Variants in ATP7A observed in about 807,000 individuals in gnomAD.
ATP7A encodes ATPase copper transporting alpha.
Under a neutral mutation model 83.5 loss-of-function variants are expected in ATP7A, and 7 were observed. The observed-to-expected ratio is 0.08, with a 90% CI of 0.05 to 0.16. The LOEUF is 0.16. ATP7A is among the 10% of genes least tolerant of loss of function. The probability of loss-of-function intolerance (pLI) is 1.00; values close to 1 mark genes in which losing one functional copy is unlikely to be tolerated. For missense variants in ATP7A, 940 were observed against 1,120.8 expected, an observed-to-expected ratio of 0.84 and a Z score of 2.30; for synonymous variants, 354 against 395.2, an observed-to-expected ratio of 0.90 and a Z score of 1.24.
At chrX:77,997,994 C>A (rs528113921) in intron 4 of ATP7A, among the ~76,000 whole-genome samples, 4,296 of 108,841 alleles carry the variant, frequency 0.039, 93 homozygotes, top group Middle Eastern at 0.06. Context: ...GGTATGTAAC[C>A]CCCCCGCCCA....
intron 7 of ATP7A, among the ~76,000 whole-genome samples, chrX:78,010,273 A>G (rs1192813838): frequency 8.9e-6 from 1 of 112,140 alleles, no homozygotes; most frequent in Non-Finnish European, 1.9e-5. Flanking sequence ...CCAAAGTCAC[A>G]TAGCTAATAA....
At chrX:77,916,371 AG>A (rs199760262) in intron 1 of ATP7A, among the ~76,000 whole-genome samples, 1 of 108,332 alleles carries the variant, frequency 9.2e-6, no homozygotes, top group African/African-American at 3.3e-5. Context: ...AAAAAAAAAA[AG>A]AAAAAAAAAG....
At chrX:77,942,750 C>G (rs936595347) in intron 1 of ATP7A, among the ~76,000 whole-genome samples, 5 of 110,456 alleles carry the variant, frequency 4.5e-5, no homozygotes, top group African/African-American at 1.6e-4. Context: ...ATCCAGCCCT[C>G]TTTCTCTGAA....
intron 1 of ATP7A, among the ~76,000 whole-genome samples, chrX:77,927,699 A>G (rs181035189): frequency 7.6e-4 from 84 of 111,009 alleles, no homozygotes; most frequent in Non-Finnish European, 1.5e-3. Flanking sequence ...GGTTTGTTAC[A>G]TACGTATACA....
At chrX:77,987,671 A>T (rs1309757215) in intron 2 of ATP7A, among the ~76,000 whole-genome samples, 2 of 111,592 alleles carry the variant, frequency 1.8e-5, no homozygotes, top group Non-Finnish European at 3.8e-5. Flanking sequence ...AGGGGGATAT[A>T]GGAGTATATG....
intron 1 of ATP7A, among the ~76,000 whole-genome samples, chrX:77,919,435 G>A (rs2077200383): frequency 8.9e-6 from 1 of 111,801 alleles, no homozygotes; most frequent in Non-Finnish European, 1.9e-5. Context: ...CTTCCCTTTT[G>A]GGCAGCAGCC....
In ATP7A at chrX:78,011,503, G is replaced by A. The variant is rs2077825500; in HGVS notation, c.2001G>A (p.Leu667=). 8.3e-7 allele frequency: 1 copy of A among 1,208,653 alleles called. No individual in the cohort carries two copies. Among genetic ancestry groups the A allele is most frequent in the South Asian group, 1.8e-5 (1 of 56,734 alleles). Residue 667 remains leucine, a synonymous_variant, in exon 9 of 23, where the codon CTG becomes CTA. Coordinates refer to ENST00000341514, the MANE Select transcript of ATP7A (RefSeq NM_000052.7). The part of the protein sequence containing the change: ...SLFFCIPVMG[L]MIYMMVMDHH... ...TTTTCTGTATTCCTGTAATGGGGCT[G>A]ATGATATATATGATGGTTATGGACC...
intron 1 of ATP7A, among the ~76,000 whole-genome samples, chrX:77,915,783 C>T (rs933087658): frequency 8.9e-6 from 1 of 111,955 alleles, no homozygotes; most frequent in Non-Finnish European, 1.9e-5. Flanking sequence ...TGCAATGGCA[C>T]GATCTCGGCT....
intron 12 of ATP7A, among the ~76,000 whole-genome samples, chrX:78,017,351 G>C (rs1309964961): frequency 8.9e-6 from 1 of 112,254 alleles, no homozygotes; most frequent in African/African-American, 3.2e-5. Flanking sequence ...TTTTCTCCTA[G>C]GCCTCAGGGC....
At chrX:77,954,768 A>G (rs781895357) in intron 1 of ATP7A, among the ~76,000 whole-genome samples, 3 of 111,701 alleles carry the variant, frequency 2.7e-5, no homozygotes, top group Non-Finnish European at 3.8e-5. Flanking sequence ...TGTTATTTGC[A>G]TAGCTAGAAA....
At chrX:78,015,913 G>A in intron 12 of ATP7A, 32 bp downstream of exon 12, 1 of 1,205,986 alleles carries the variant, frequency 8.3e-7, no homozygotes, top group Non-Finnish European at 1.1e-6. Context: ...TGACCAAAAT[G>A]TTAAGAAAAA....
At chrX:78,044,832 A>G (rs782157071) in intron 21 of ATP7A, among the ~76,000 whole-genome samples, 3 of 112,128 alleles carry the variant, frequency 2.7e-5, no homozygotes, top group African/African-American at 9.7e-5. Context: ...TTGAGGGCCA[A>G]GGAAAGACAA....
chrX:78,005,951 C>T (rs1276224331), intron 6 of ATP7A, among the ~76,000 whole-genome samples: 1 of 110,998 alleles, frequency 9.0e-6, no homozygotes, highest in East Asian at 2.8e-4. Flanking sequence ...AGCGTCAGCA[C>T]CCCAAAATTT....
intron 2 of ATP7A, among the ~76,000 whole-genome samples, chrX:77,983,061 A>G (rs782255935): frequency 9.0e-6 from 1 of 111,465 alleles, no homozygotes; most frequent in South Asian, 3.8e-4. Context: ...CCTCTTTTAT[A>G]AGGGCACAAA....
chrX:77,936,489 T>C (rs377238486), intron 1 of ATP7A, among the ~76,000 whole-genome samples: 141 of 112,276 alleles, frequency 1.3e-3, no homozygotes, highest in African/African-American at 3.1e-3. Context: ...GCCATACTGT[T>C]GTGCAACCAT....
intron 1 of ATP7A, among the ~76,000 whole-genome samples, chrX:77,944,805 G>A (rs1207600767): frequency 9.3e-6 from 1 of 107,196 alleles, no homozygotes; most frequent in African/African-American, 3.4e-5. Context: ...TCCTCAGTAT[G>A]GTATGTATGT....
At chrX:78,028,852 CT>C (rs1252970008) in intron 14 of ATP7A, among the ~76,000 whole-genome samples, 1 of 112,347 alleles carries the variant, frequency 8.9e-6, no homozygotes, top group Non-Finnish European at 1.9e-5. Context: ...CCATGTGATT[CT>C]TTTTCATTGT....
chrX:77,941,392 T>G (rs1229761090), intron 1 of ATP7A, among the ~76,000 whole-genome samples: 4 of 111,483 alleles, frequency 3.6e-5, no homozygotes, highest in African/African-American at 1.3e-4. Flanking sequence ...GAGGTCTATA[T>G]GTCCTTAAAA....
chrX:78,007,832 T>C (rs1033786625), intron 6 of ATP7A, among the ~76,000 whole-genome samples: 49 of 112,111 alleles, frequency 4.4e-4, no homozygotes, highest in African/African-American at 1.6e-3. Context: ...ATTTATGAGG[T>C]ATATGAGACG....
Sources: gnomAD v4.1 joint callset for allele counts (sites outside exome capture counted in the v4.1 genomes callset) on GRCh38, gnomAD v4.1.1 for gene constraint, MANE v1.5 for transcripts, NCBI Gene and HGNC (gene_info 2026-07-23, HGNC 2026-07-21) for gene names.